The following GINS4 variants were observed in gnomAD, a reference collection of about 807,000 sequenced individuals.
GINS4 encodes GINS complex subunit 4.
A neutral mutation model predicts 31.1 loss-of-function variants in GINS4; 20 were observed. That is an observed-to-expected ratio of 0.64 (90% CI 0.45 to 0.93). GINS4 has a LOEUF of 0.93. Among genes scored for constraint, GINS4 ranks in the 40% least tolerant of loss-of-function variants. The pLI, the probability that GINS4 is intolerant of heterozygous loss-of-function variation, is 0.00. For missense variants in GINS4, 245 were observed against 273.9 expected (o/e 0.89, Z 0.75); for synonymous variants, 85 against 97.9 (o/e 0.87, Z 0.78).
intron 5 of GINS4, 65 bp from the exon 6 acceptor site, chr8:41,539,851 T>C (rs1381286038): frequency 7.6e-6 from 12 of 1,582,744 alleles, no homozygotes; most frequent in Non-Finnish European, 1.0e-5. Context: ...TGTGCGCTGC[T>C]GCCTGCTAAC....
At position 41,543,544 on chromosome 8, in the gene GINS4, T is replaced by C. The variant is rs1806880981; in HGVS notation, c.*1457T>C. The C allele has an allele frequency of 6.6e-6, 1 of 152,252 alleles. No homozygotes were observed. The highest frequency in any genetic ancestry group is 6.5e-5 in the Admixed American group (1 of 15,280). The allele number at this position is 152,252 out of a possible 1,614,324, so 9.4% of individuals were successfully genotyped here. A position where few individuals can be genotyped will look rare whatever the true frequency, so the allele number is the denominator to read the frequency against. On this transcript the variant is annotated 3_prime_UTR_variant, in exon 8 of 8. Transcript: ENST00000276533. ...GGATGTATAGGCAGTGAATGAATGA[T>C]CTTTCCTTGAAATGCTATAAAAAGC...
chr8:41,534,504 A>G (rs927920305), intron 2 of GINS4: 1 of 181,758 alleles, frequency 5.5e-6, no homozygotes, highest in African/African-American at 2.4e-5. Context: ...ACTAATATAA[A>G]CTTCCACCTA....
chr8:41,530,873 CAGG>C (rs1293290688), intron 2 of GINS4, among the ~76,000 whole-genome samples: 1 of 152,190 alleles, frequency 6.6e-6, no homozygotes, highest in Non-Finnish European at 1.5e-5. Context: ...GCTCTGGTAA[CAGG>C]AGTTCAGACT....
At chr8:41,537,791 C>G (rs976321902) in intron 4 of GINS4, 1 of 152,206 alleles carries the variant, frequency 6.6e-6, no homozygotes, top group African/African-American at 2.4e-5. Flanking sequence ...GGAGGCTAGG[C>G]GGGTGGATCA....
chr8:41,538,104 CTA>C (rs1006777763), intron 4 of GINS4: 1 of 151,832 alleles, frequency 6.6e-6, no homozygotes, highest in Non-Finnish European at 1.5e-5. Flanking sequence ...TCATTTGGTT[CTA>C]TGTGTCTCTT....
At chr8:41,531,379 C>T (rs1196132192) in intron 2 of GINS4, among the ~76,000 whole-genome samples, 1 of 152,204 alleles carries the variant, frequency 6.6e-6, no homozygotes, top group African/African-American at 2.4e-5. Flanking sequence ...CTATCTGACA[C>T]ATGATAAGCA....
chr8:41,532,511 C>T (rs540550123), intron 2 of GINS4, among the ~76,000 whole-genome samples: 6 of 151,990 alleles, frequency 3.9e-5, no homozygotes, highest in East Asian at 1.9e-4. Flanking sequence ...AGGATCATAG[C>T]GAGATCTTAT....
chr8:41,530,054 C>T, intron 1 of GINS4, 130 bp from the exon 2 acceptor site: 1 of 596,186 alleles, frequency 1.7e-6, no homozygotes. Flanking sequence ...TGCGTTCTCT[C>T]ACCACTTGCT....
At chr8:41,537,158 A>G (rs765637747) in intron 3 of GINS4, 22 bp from the exon 4 acceptor site, 1 of 1,509,142 alleles carries the variant, frequency 6.6e-7, no homozygotes, top group East Asian at 2.3e-5. Flanking sequence ...TTTTTTATAA[A>G]CCTTAATTTC....
chr8:41,539,842 G>A (rs892297364), intron 5 of GINS4, 67 bp downstream of exon 5: 5 of 1,566,762 alleles, frequency 3.2e-6, no homozygotes, highest in East Asian at 2.2e-5. Flanking sequence ...CTAGAGGCCT[G>A]TGCGCTGCTG....
rs1452674617 is a variant in GINS4 at position 41,545,013 on chromosome 8, A to C, written c.*2926A>C. 1.3e-5 allele frequency: 2 copies of C among 152,244 alleles called. No homozygotes were observed. Among genetic ancestry groups the C allele is most frequent in the Admixed American group, 1.3e-4 (2 of 15,282 alleles). The allele number at this position is 152,244 out of a possible 1,614,324, so 9.4% of individuals were successfully genotyped here. On this transcript the variant is annotated 3_prime_UTR_variant, in exon 8 of 8. Transcript: ENST00000276533. ...TTTTGATGTCATTTTTAAATAAAGG[A>C]GAAGTTGAATTTCAAAACCAAGTGG...
rs766205000 is a variant in GINS4, at chr8:41,542,039, C to T, written c.624C>T (p.Tyr208=). The change falls in exon 8 of 8, where the codon TAC becomes TAT. Residue 208 remains tyrosine (Y), a synonymous_variant. Coordinates refer to ENST00000276533, the MANE Select transcript of GINS4 (RefSeq NM_032336.3). ...LEKGSQHLIR[Y]KTIAPLVASG... ...AGGGCTCACAGCACTTGATCCGATA[C>T]AAAACCATTGCACCTCTGGTTGCAT... The T allele has an allele frequency of 3.7e-6, 6 of 1,614,194 alleles. No homozygotes were observed. The Admixed American group carries it at 1.0e-4, about 27-fold the overall frequency.
intron 6 of GINS4, among the ~76,000 whole-genome samples, chr8:41,541,281 G>A (rs554523955): frequency 9.2e-5 from 14 of 151,968 alleles, no homozygotes; most frequent in East Asian, 7.8e-4. Flanking sequence ...GCCATGTTGC[G>A]TAGGCTGGTG....
At chr8:41,530,353 A>G (rs1806631371) in intron 2 of GINS4, 55 bp downstream of exon 2, 3 of 1,246,226 alleles carry the variant, frequency 2.4e-6, no homozygotes, top group Non-Finnish European at 3.5e-6. Flanking sequence ...ATTTAGTTCA[A>G]CTGTGAATAT....
intron 2 of GINS4, 126 bp downstream of exon 2, chr8:41,530,424 T>G (rs77154000): frequency 0.044 from 28,600 of 646,404 alleles, 809 homozygotes; most frequent in Middle Eastern, 0.065. Context: ...GACTGGATCT[T>G]ACCATCTACA....
intron 2 of GINS4, among the ~76,000 whole-genome samples, chr8:41,535,311 C>T (rs1240238576): frequency 6.6e-6 from 1 of 152,130 alleles, no homozygotes; most frequent in African/African-American, 2.4e-5. Context: ...GCTTTCCAGC[C>T]TGGGCAACAG....
At chr8:41,537,795 T>A (rs1806767611) in intron 4 of GINS4, 2 of 152,150 alleles carry the variant, frequency 1.3e-5, no homozygotes, top group Admixed American at 1.3e-4. Context: ...GCTAGGCGGG[T>A]GGATCACCTG....
rs1806879300 is a variant in GINS4, at chr8:41,543,454, AC to A, written c.*1368del. The A allele has an allele frequency of 6.6e-6, 1 of 152,178 alleles. No homozygotes were observed. The highest frequency in any genetic ancestry group is 2.4e-5 in the African/African-American group (1 of 41,440). 9.4% of individuals were successfully genotyped at this position (152,178 alleles called of 1,614,324 possible). A position where few individuals can be genotyped will look rare whatever the true frequency, so the allele number is the denominator to read the frequency against. Reference sequence around the variant, plus strand: ...GCCGCTTTTCTGGTTTAAGTCCTTCACTTTTTCAAGAGGAATGGATGAAATT... The same window carrying A: ...GCCGCTTTTCTGGTTTAAGTCCTTCATTTTTCAAGAGGAATGGATGAAATT... On this transcript the variant is annotated 3_prime_UTR_variant, in exon 8 of 8. Coordinates refer to ENST00000276533, the MANE Select transcript of GINS4 (RefSeq NM_032336.3).
intron 4 of GINS4, 45 bp downstream of exon 4, chr8:41,537,338 T>C (rs766738132): frequency 8.2e-6 from 11 of 1,333,628 alleles, no homozygotes; most frequent in Non-Finnish European, 1.1e-5. Context: ...GCACAGTCTG[T>C]AATGCAGACT....
Sources: allele counts gnomAD v4.1 joint callset (sites outside exome capture counted in the v4.1 genomes callset), GRCh38; gene constraint gnomAD v4.1.1; transcripts MANE v1.5; gene names NCBI Gene and HGNC (gene_info 2026-07-23, HGNC 2026-07-21).